The following GGACT variants were observed in gnomAD, a reference collection of about 807,000 sequenced individuals.
GGACT encodes the protein gamma-glutamylaminecyclotransferase.
For synonymous variants in GGACT, 118 were observed against 115.3 expected, an observed-to-expected ratio of 1.02 and a Z score of -0.15; for missense variants, 241 against 233.2, an observed-to-expected ratio of 1.03 and a Z score of -0.22.
intron 1 of GGACT, among the ~76,000 whole-genome samples, chr13:100,586,192 G>A (rs1875568641): frequency 6.6e-6 from 1 of 152,034 alleles, no homozygotes; most frequent in South Asian, 2.1e-4. Context: ...CCCTTTCTCT[G>A]GAGAAACATA....
intron 2 of GGACT, among the ~76,000 whole-genome samples, chr13:100,548,285 T>C (rs576433748): frequency 4.6e-5 from 7 of 152,362 alleles, no homozygotes; most frequent in African/African-American, 1.2e-4. Flanking sequence ...GAATAAAATA[T>C]ATATTAGTGT....
intron 2 of GGACT, among the ~76,000 whole-genome samples, chr13:100,565,155 G>C (rs911286713): frequency 3.3e-5 from 5 of 152,178 alleles, no homozygotes; most frequent in African/African-American, 7.2e-5. Context: ...GTCTTGTTTA[G>C]AGCGGCTTGG....
At position 100,588,735 on chromosome 13, in the gene GGACT, C is replaced by A. The variant is rs3825502; in HGVS notation, c.-184+6G>T. On this transcript the variant is annotated splice_donor_region_variant and intron_variant, in intron 1 of 2. Coordinates refer to ENST00000683975, the MANE Select transcript of GGACT (RefSeq NM_001195087.2). ...CCCCGACCCCCGCCCGGGCTCAGCGCCTCACCTGCCGGCAGCCGGGGCTGT... is the reference window on the plus strand; with the variant it reads ...CCCCGACCCCCGCCCGGGCTCAGCGACTCACCTGCCGGCAGCCGGGGCTGT... The A allele has an allele frequency of 0.022, 3,295 of 151,746 alleles. 89 individuals carry two copies. The highest frequency in any genetic ancestry group is 0.15 in the East Asian group (774 of 5,144). The allele number at this position is 151,746 out of a possible 1,614,324, so 9.4% of individuals were successfully genotyped here.
At chr13:100,546,088 C>A (rs1018466011) in intron 2 of GGACT, among the ~76,000 whole-genome samples, 1 of 152,192 alleles carries the variant, frequency 6.6e-6, no homozygotes, top group African/African-American at 2.4e-5. Context: ...TGGCCGGGCA[C>A]AGTGGCTCAC....
chr13:100,578,563 A>C (rs1225908832), intron 2 of GGACT, among the ~76,000 whole-genome samples: 1 of 152,248 alleles, frequency 6.6e-6, no homozygotes, highest in Non-Finnish European at 1.5e-5. Flanking sequence ...CTGTTGTAAA[A>C]GATCCTGCTG....
intron 2 of GGACT, chr13:100,540,150 G>A (rs1382539431): frequency 2.2e-5 from 35 of 1,588,862 alleles, no homozygotes; most frequent in Non-Finnish European, 2.8e-5. Context: ...TAATGGCGTT[G>A]TCCTTGGGCA....
intron 1 of GGACT, among the ~76,000 whole-genome samples, chr13:100,585,840 A>AAAAAAT (rs1441432094): frequency 4.2e-5 from 6 of 141,362 alleles, no homozygotes; most frequent in Non-Finnish European, 9.1e-5. Context: ...AAAAAAAAAA[A>AAAAAAT]AAAAAAAAAA....
chr13:100,548,150 A>G (rs1234309525), intron 2 of GGACT, among the ~76,000 whole-genome samples: 2 of 152,184 alleles, frequency 1.3e-5, no homozygotes, highest in Admixed American at 1.3e-4. Flanking sequence ...GGATTGTTTC[A>G]ACTCCGGCAG....
At position 100,532,609 on chromosome 13, in the gene GGACT, G is replaced by GA. The variant is rs1176482555; in HGVS notation, c.-10-9dup. On this transcript the variant is annotated splice_polypyrimidine_tract_variant and intron_variant, in intron 2 of 2. Coordinates refer to ENST00000683975, the MANE Select transcript of GGACT (RefSeq NM_001195087.2). ...AGGGCCATCCGGGCAGAGCTGCAGG[G>GA]AGAGGGGAAGTCACAGGTCAGCCCG... 6.6e-7 allele frequency: 1 copy of GA among 1,520,516 alleles called. No homozygotes were observed. Among genetic ancestry groups the GA allele is most frequent in the African/African-American group, 1.4e-5 (1 of 72,404 alleles). 94.2% of individuals were successfully genotyped at this position (1,520,516 alleles called of 1,614,324 possible). A position where few individuals can be genotyped will look rare whatever the true frequency, so the allele number is the denominator to read the frequency against.
chr13:100,581,038 G>A (rs892807358), intron 2 of GGACT, among the ~76,000 whole-genome samples: 1 of 152,248 alleles, frequency 6.6e-6, no homozygotes, highest in Non-Finnish European at 1.5e-5. Context: ...AAACGCAAGA[G>A]TGATCCACGG....
rs755235689 is a variant in GGACT at position 100,550,299 on chromosome 13, TACACACACACACACACACACACAC to T, written c.-10-17722_-10-17699del. 2.1e-3 allele frequency among the ~76,000 whole-genome samples: 57 copies of T among 27,268 alleles called. 1 individual carries two copies. Among genetic ancestry groups the T allele is most frequent in the African/African-American group, 8.5e-3 (49 of 5,736 alleles). 17.9% of individuals were successfully genotyped at this position (27,268 alleles called of 152,430 possible). Reference sequence around the variant, plus strand: ...AATTAAATCCGAGCCGATTATACTCTACACACACACACACACACACACACACACACACACACACACACACACACA... The same window carrying T: ...AATTAAATCCGAGCCGATTATACTCTACACACACACACACACACACACACA... On this transcript the variant is annotated intron_variant, in intron 2 of 2. Transcript: ENST00000683975.
At chr13:100,561,002 C>T (rs555986943) in intron 2 of GGACT, among the ~76,000 whole-genome samples, 34 of 152,308 alleles carry the variant, frequency 2.2e-4, no homozygotes, top group African/African-American at 7.0e-4. Context: ...ATCACAAGCA[C>T]GCCTCCTAGA....
At chr13:100,532,740 A>T in intron 2 of GGACT, 139 bp from the exon 3 acceptor site, 1 of 639,750 alleles carries the variant, frequency 1.6e-6, no homozygotes, top group South Asian at 2.0e-5. Flanking sequence ...ATAAGGCGTT[A>T]CTTACCGACG....
intron 2 of GGACT, among the ~76,000 whole-genome samples, chr13:100,542,969 A>C (rs1472979093): frequency 6.6e-6 from 1 of 152,138 alleles, no homozygotes; most frequent in Non-Finnish European, 1.5e-5. Context: ...TCCTTTGCAT[A>C]ACTGTTAGAT....
chr13:100,550,129 C>CCA (rs2088643786), intron 2 of GGACT, among the ~76,000 whole-genome samples: 1 of 152,130 alleles, frequency 6.6e-6, no homozygotes, highest in South Asian at 2.1e-4. Flanking sequence ...GGTCCATCTG[C>CCA]CACATTCCTG....
chr13:100,577,285 G>A (rs1347421761), intron 2 of GGACT, among the ~76,000 whole-genome samples: 2 of 151,924 alleles, frequency 1.3e-5, no homozygotes, highest in African/African-American at 4.8e-5. Flanking sequence ...GCGTGGTGGT[G>A]GGTGCCTGTA....
chr13:100,587,917 C>G (rs990865232), intron 1 of GGACT, among the ~76,000 whole-genome samples: 3 of 152,078 alleles, frequency 2.0e-5, no homozygotes, highest in Non-Finnish European at 4.4e-5. Context: ...TCCCAGCTAC[C>G]CGGGAGACTG....
intron 2 of GGACT, among the ~76,000 whole-genome samples, chr13:100,553,650 C>A (rs2088686031): frequency 6.6e-6 from 1 of 152,040 alleles, no homozygotes; most frequent in South Asian, 2.1e-4. Context: ...TCGGGACCAG[C>A]CTGGCCAATA....
intron 2 of GGACT, among the ~76,000 whole-genome samples, chr13:100,579,549 G>C (rs768043987): frequency 2.0e-5 from 3 of 152,108 alleles, no homozygotes; most frequent in Non-Finnish European, 2.9e-5. Flanking sequence ...TGGCCATAAA[G>C]ACCTTGGACA....
Sources: gnomAD v4.1 joint callset for allele counts (sites outside exome capture counted in the v4.1 genomes callset) on GRCh38, gnomAD v4.1.1 for gene constraint, MANE v1.5 for transcripts, NCBI Gene and HGNC (gene_info 2026-07-23, HGNC 2026-07-21) for gene names.